Variants in NDUFAF6 observed in about 807,000 individuals in gnomAD.
NDUFAF6 encodes NADH:ubiquinone oxidoreductase complex assembly factor 6.
NDUFAF6 carries 45 observed loss-of-function variants against 40.8 expected under a neutral mutation model. The ratio of observed to expected loss-of-function variants is 1.10; its 90% CI spans 0.87 to 1.42. The LOEUF (loss-of-function observed/expected upper bound fraction) is 1.42, where lower values mean the gene tolerates loss of function less well. Among genes scored for constraint, NDUFAF6 ranks in the 40% most tolerant of loss-of-function variants. The probability of loss-of-function intolerance (pLI) is 0.00; values close to 1 mark genes in which losing one functional copy is unlikely to be tolerated. For synonymous variants in NDUFAF6, 185 were observed against 155.9 expected (o/e 1.19, Z -1.39); for missense variants, 435 against 418.5 (o/e 1.04, Z -0.34).
At chr8:95,028,719 T>G (rs760392927) in intron 1 of NDUFAF6, among the ~76,000 whole-genome samples, 30 of 152,298 alleles carry the variant, frequency 2.0e-4, no homozygotes, top group Non-Finnish European at 3.4e-4. Context: ...CAGGAGTGAT[T>G]GGTGTCATTT....
chr8:94,896,788 G>GC (rs1372140256), intron 1 of NDUFAF6: 1 of 152,220 alleles, frequency 6.6e-6, no homozygotes, highest in African/African-American at 2.4e-5. Context: ...GGAAATAGCC[G>GC]CCGCCGGATG....
At chr8:94,897,170 A>T (rs1176040307) in intron 1 of NDUFAF6, among the ~76,000 whole-genome samples, 1 of 152,240 alleles carries the variant, frequency 6.6e-6, no homozygotes, top group Non-Finnish European at 1.5e-5. Flanking sequence ...GAAAACCAGT[A>T]TGTCGAGTAA....
intron 1 of NDUFAF6, among the ~76,000 whole-genome samples, chr8:94,911,736 A>G (rs1818793912): frequency 6.6e-6 from 1 of 152,250 alleles, no homozygotes; most frequent in Admixed American, 6.5e-5. Context: ...ACAGATGTCT[A>G]AAGTTCAAGC....
intron 2 of NDUFAF6, chr8:95,087,858 C>A (rs1198046346): frequency 3.3e-5 from 5 of 152,346 alleles, no homozygotes; most frequent in Non-Finnish European, 7.3e-5. Flanking sequence ...TGCTCATGCC[C>A]TTCAGGGCCG....
chr8:95,098,761 T>C (rs752193575), upstream of NDUFAF6, among the ~76,000 whole-genome samples: 1 of 152,076 alleles, frequency 6.6e-6, no homozygotes, highest in African/African-American at 2.4e-5. Context: ...TATTGCCATG[T>C]TAAAATACAA....
At chr8:95,072,027 A>G (rs1398509997) in intron 9 of NDUFAF6, 2 of 152,252 alleles carry the variant, frequency 1.3e-5, no homozygotes, top group Non-Finnish European at 2.9e-5. Flanking sequence ...CTCTGCACAG[A>G]TGGGAGTAAC....
At chr8:95,013,247 A>G (rs1391095787) in intron 2 of NDUFAF6, among the ~76,000 whole-genome samples, 3 of 152,062 alleles carry the variant, frequency 2.0e-5, no homozygotes, top group African/African-American at 7.2e-5. Flanking sequence ...GTACAGGTGT[A>G]CACCACCACA....
intron 1 of NDUFAF6, chr8:94,975,509 G>A (rs1489540201): frequency 6.6e-6 from 1 of 152,312 alleles, no homozygotes; most frequent in Non-Finnish European, 1.5e-5. Flanking sequence ...GAAACCCTGT[G>A]ACCTGCAGCT....
intron 2 of NDUFAF6, among the ~76,000 whole-genome samples, chr8:94,948,836 G>A (rs1390218899): frequency 6.6e-6 from 1 of 152,096 alleles, no homozygotes; most frequent in Non-Finnish European, 1.5e-5. Context: ...GCTCGGGGGA[G>A]GAGGCAGAGA....
At chr8:95,050,505 A>C (rs974214676) in intron 7 of NDUFAF6, among the ~76,000 whole-genome samples, 1 of 152,240 alleles carries the variant, frequency 6.6e-6, no homozygotes, top group Non-Finnish European at 1.5e-5. Context: ...TCTGTGCTTT[A>C]GTTTCCTCAT....
At chr8:94,915,241 G>T (rs372871584) in intron 1 of NDUFAF6, among the ~76,000 whole-genome samples, 8 of 151,978 alleles carry the variant, frequency 5.3e-5, no homozygotes, top group African/African-American at 1.7e-4. Context: ...GTAAGTGACT[G>T]CCCCCAGCCA....
chr8:94,961,145 A>T (rs1228053427), intron 1 of NDUFAF6, among the ~76,000 whole-genome samples: 2 of 152,158 alleles, frequency 1.3e-5, no homozygotes, highest in Admixed American at 6.5e-5. Flanking sequence ...CAATTAGAAA[A>T]TTTTTTCTCT....
intron 1 of NDUFAF6, among the ~76,000 whole-genome samples, chr8:95,028,833 T>C (rs916537951): frequency 6.6e-6 from 1 of 152,222 alleles, no homozygotes; most frequent in African/African-American, 2.4e-5. Flanking sequence ...TAAACACTTC[T>C]GAAGTTTGGA....
At chr8:94,948,793 G>A (rs560984954) in intron 2 of NDUFAF6, among the ~76,000 whole-genome samples, 4 of 152,102 alleles carry the variant, frequency 2.6e-5, no homozygotes, top group Non-Finnish European at 5.9e-5. Context: ...GGTGAGAGGA[G>A]GAGGTCCCGC....
intron 2 of NDUFAF6, among the ~76,000 whole-genome samples, chr8:95,033,282 T>A (rs1462389417): frequency 1.3e-5 from 2 of 152,120 alleles, no homozygotes; most frequent in African/African-American, 2.4e-5. Flanking sequence ...TGGCCTCAAA[T>A]GGTTCTCCTG....
chr8:95,092,496 T>A (rs190126291), intron 2 of NDUFAF6, among the ~76,000 whole-genome samples: 77 of 152,000 alleles, frequency 5.1e-4, no homozygotes, highest in Non-Finnish European at 4.4e-5. Context: ...ATGACATAAT[T>A]TGATTCCACA....
At chr8:94,940,153 A>G (rs1258898116) in intron 1 of NDUFAF6, 3 of 1,614,116 alleles carry the variant, frequency 1.9e-6, no homozygotes, top group Non-Finnish European at 2.5e-6. Flanking sequence ...AAGGGTGCTC[A>G]GTAGGTGACT....
In NDUFAF6 at chr8:94,997,289, G is replaced by GACACAC. The variant is rs57953301; in HGVS notation, c.-84+16366_-84+16371dup. ...CAGTAGGCACTTAAGCAAGAAGAAA[G>GACACAC]ACACACACACACACACACACACACA... On this transcript the variant is annotated intron_variant, in intron 2 of 9. Transcript: ENST00000396111. 5.0e-3 allele frequency among the ~76,000 whole-genome samples: 478 copies of GACACAC among 94,672 alleles called. 2 individuals carry two copies. Among genetic ancestry groups the GACACAC allele is most frequent in the East Asian group, 7.4e-3 (22 of 2,984 alleles). 62.1% of individuals were successfully genotyped at this position (94,672 alleles called of 152,430 possible).
intron 2 of NDUFAF6, among the ~76,000 whole-genome samples, chr8:95,018,798 C>A (rs1339286935): frequency 2.0e-5 from 3 of 152,110 alleles, no homozygotes; most frequent in African/African-American, 7.2e-5. Flanking sequence ...ACATCATAAG[C>A]CTTTAGGCTC....
Sources: gnomAD v4.1 joint callset for allele counts (sites outside exome capture counted in the v4.1 genomes callset) on GRCh38, gnomAD v4.1.1 for gene constraint, MANE v1.5 for transcripts, NCBI Gene and HGNC (gene_info 2026-07-23, HGNC 2026-07-21) for gene names.